TRIM5: variants seen among roughly 807,000 people sequenced by gnomAD.
TRIM5 encodes tripartite motif-containing protein 5.
A neutral mutation model predicts 35.6 loss-of-function variants in TRIM5; 31 were observed. The ratio of observed to expected loss-of-function variants is 0.87; its 90% confidence interval spans 0.65 to 1.18. TRIM5 has a LOEUF of 1.18. TRIM5 is among the 50% of genes most tolerant of loss of function. The probability of loss-of-function intolerance (pLI) is 0.00; values close to 1 mark genes in which losing one functional copy is unlikely to be tolerated. For synonymous variants in TRIM5, 243 were observed against 215.6 expected, an observed-to-expected ratio of 1.13 and a Z score of -1.11; for missense variants, 609 against 591.6, an observed-to-expected ratio of 1.03 and a Z score of -0.31.
chr11:5,612,397 G>A, the TRIM5 span: 1 of 150,374 alleles, frequency 6.7e-6, no homozygotes, highest in African/African-American at 2.4e-5. Flanking sequence ...CTACATTTAA[G>A]AGTAGCAATA....
chr11:5,644,101 TGTCAGTGTGTTGCTCAGGATACCCC>T, the TRIM5 span: 1 of 408,094 alleles, frequency 2.5e-6, no homozygotes, highest in Admixed American at 4.1e-5. Context: ...TTGGAGGGTA[TGTCAGTGTGTTGCTCAGGATACCCC>T]AGGTACATCA....
the TRIM5 span, chr11:5,632,776 G>C: frequency 9.0e-6 from 14 of 1,555,944 alleles, no homozygotes; most frequent in Admixed American, 1.8e-5. Context: ...GATGGAGGGA[G>C]ATGGGGCAGA....
the TRIM5 span, among the ~76,000 whole-genome samples, chr11:5,639,736 G>GATAGAAC: frequency 1.3e-5 from 2 of 149,178 alleles, no homozygotes; most frequent in Non-Finnish European, 1.5e-5. Context: ...ATAGGCGGTG[G>GATAGAAC]ATAGAACAGG....
At chr11:5,612,062 C>G in the TRIM5 span, 1 of 152,126 alleles carries the variant, frequency 6.6e-6, no homozygotes, top group Non-Finnish European at 1.5e-5. Flanking sequence ...CATTGATTTA[C>G]TTCAATTTGT....
At chr11:5,594,743 T>C in the TRIM5 span, among the ~76,000 whole-genome samples, 1 of 152,162 alleles carries the variant, frequency 6.6e-6, no homozygotes, top group Admixed American at 6.5e-5. Flanking sequence ...GTTGGGCTTC[T>C]CCATCCCTTT....
chr11:5,644,063 G>T, the TRIM5 span: 1 of 415,554 alleles, frequency 2.4e-6, no homozygotes, highest in South Asian at 1.1e-4. Flanking sequence ...CCACCCCCAT[G>T]ACCACCACCA....
chr11:5,651,326 TA>T, the TRIM5 span, among the ~76,000 whole-genome samples: 7 of 152,218 alleles, frequency 4.6e-5, no homozygotes, highest in African/African-American at 1.7e-4. Context: ...GGATTTGGTG[TA>T]CAGATTGTTT....
intron 4 of TRIM5, among the ~76,000 whole-genome samples, chr11:5,668,963 C>A (rs1013203079): frequency 6.6e-6 from 1 of 152,070 alleles, no homozygotes; most frequent in Non-Finnish European, 1.5e-5. Flanking sequence ...ACCAACCATA[C>A]TGTCTTCTCT....
chr11:5,641,433 G>A, the TRIM5 span: 1 of 1,008,870 alleles, frequency 9.9e-7, no homozygotes, highest in Non-Finnish European at 1.3e-6. Context: ...GGATATTAAG[G>A]ATGAGAGCTT....
chr11:5,610,248 A>C, the TRIM5 span: 148 of 1,614,092 alleles, frequency 9.2e-5, no homozygotes, highest in African/African-American at 1.8e-3. Flanking sequence ...GTGTAGAGGT[A>C]AGGAGATTCA....
At chr11:5,642,559 A>G in the TRIM5 span, 13 of 1,595,396 alleles carry the variant, frequency 8.1e-6, no homozygotes, top group Admixed American at 2.1e-4. Flanking sequence ...GGTGTCAGGT[A>G]ATAAACTGTC....
At chr11:5,606,909 A>G in the TRIM5 span, among the ~76,000 whole-genome samples, 36 of 152,234 alleles carry the variant, frequency 2.4e-4, no homozygotes, top group African/African-American at 7.9e-4. Flanking sequence ...GCCCATTAAG[A>G]TTTTATAGCC....
At chr11:5,596,634 C>T in the TRIM5 span, 13 of 402,356 alleles carry the variant, frequency 3.2e-5, no homozygotes, top group Admixed American at 4.9e-5. Flanking sequence ...CCCGACTCCT[C>T]CCAGAAGGAG....
chr11:5,664,652 G>T lies in TRIM5; in HGVS notation c.*157C>A, dbSNP rs574421830. Reference sequence around the variant, plus strand: ...AATATTGGGGACAATATGGCACAAGGCAATTATTACATTTTACTGATGAGT... The same window carrying T: ...AATATTGGGGACAATATGGCACAAGTCAATTATTACATTTTACTGATGAGT... On this transcript the variant is annotated 3_prime_UTR_variant, in exon 8 of 8. Transcript: ENST00000380034. The T allele has an allele frequency of 5.0e-6, 7 of 1,388,088 alleles. No individual in the cohort carries two copies. In the African/African-American group the frequency reaches 1.0e-4, roughly 20 times the overall value. 86.0% of individuals were successfully genotyped at this position (1,388,088 alleles called of 1,614,324 possible).
the TRIM5 span, chr11:5,642,473 C>T: frequency 6.2e-7 from 1 of 1,613,926 alleles, no homozygotes; most frequent in Non-Finnish European, 8.5e-7. Flanking sequence ...ATTCCATGCT[C>T]CAGATCTGAG....
At chr11:5,660,729 G>A (rs1850785218), downstream of TRIM5, among the ~76,000 whole-genome samples, 1 of 151,924 alleles carries the variant, frequency 6.6e-6, no homozygotes, top group Admixed American at 6.6e-5. Flanking sequence ...GGAGTATGGT[G>A]GTTAATACAA....
intron 5 of TRIM5, among the ~76,000 whole-genome samples, chr11:5,667,346 A>AC (rs1356336427): frequency 1.3e-5 from 2 of 151,968 alleles, no homozygotes; most frequent in Admixed American, 1.3e-4. Flanking sequence ...AGCTGGGATT[A>AC]CAGGCACGGG....
the TRIM5 span, among the ~76,000 whole-genome samples, chr11:5,631,906 A>G: frequency 6.6e-6 from 1 of 152,212 alleles, no homozygotes; most frequent in African/African-American, 2.4e-5. Flanking sequence ...AATGATAATA[A>G]AAGAAAGATG....
the TRIM5 span, among the ~76,000 whole-genome samples, chr11:5,619,207 C>T: frequency 2.6e-5 from 4 of 152,186 alleles, no homozygotes; most frequent in Non-Finnish European, 5.9e-5. Context: ...CTGTCCCTGC[C>T]TCTCAGGCAT....
Sources: allele counts gnomAD v4.1 joint callset (sites outside exome capture counted in the v4.1 genomes callset), GRCh38; gene constraint gnomAD v4.1.1; transcripts MANE v1.5; gene names NCBI Gene and HGNC (gene_info 2026-07-23, HGNC 2026-07-21).